SCN3B: variants seen among roughly 807,000 people sequenced by gnomAD.
SCN3B encodes the protein sodium channel regulatory subunit beta-3.
SCN3B carries 11 observed loss-of-function variants against 25.4 expected under a neutral mutation model. The observed-to-expected ratio is 0.43, with a 90% CI of 0.27 to 0.72. The LOEUF (loss-of-function observed/expected upper bound fraction) is 0.72, where lower values mean the gene tolerates loss of function less well. Among genes scored for constraint, SCN3B ranks in the 30% least tolerant of loss-of-function variants. SCN3B has a pLI of 0.18. For synonymous variants in SCN3B, 109 were observed against 110.7 expected, an observed-to-expected ratio of 0.99 and a Z score of 0.09; for missense variants, 218 against 278.3, an observed-to-expected ratio of 0.78 and a Z score of 1.54.
Position 123,653,832 on chromosome 11 carries a change from C to T in SCN3B, c.-25-6G>A, listed in dbSNP as rs759214907. ...GGGGCTGGCGGCTTCCAAGGCTACA[C>T]AGAGAGATTCCCTCGGTCAAGGACT... On this transcript the variant is annotated splice_region_variant and splice_polypyrimidine_tract_variant and intron_variant, in intron 1 of 6. Transcript: ENST00000299333. The T allele has an allele frequency of 3.1e-6, 5 of 1,612,710 alleles. No homozygotes were observed. In the East Asian group the frequency reaches 8.9e-5, roughly 29 times the overall value.
At position 123,646,635 on chromosome 11, in the gene SCN3B, A is replaced by G. The variant is rs191871607; in HGVS notation, c.56-885T>C. On this transcript the variant is annotated intron_variant, in intron 2 of 6. Coordinates refer to ENST00000299333, the MANE Select transcript of SCN3B (RefSeq NM_001040151.2). Reference sequence around the variant, plus strand: ...GTGGGACACCTTGCATGCCACACAGAGGTCTAAGACTTAGTGTTTCTGCCC... The same window carrying G: ...GTGGGACACCTTGCATGCCACACAGGGGTCTAAGACTTAGTGTTTCTGCCC... 1.7e-3 allele frequency among the ~76,000 whole-genome samples: 258 copies of G among 152,294 alleles called. 2 individuals are homozygous for G. Among genetic ancestry groups the G allele is most frequent in the African/African-American group, 5.3e-3 (219 of 41,560 alleles).
At position 123,630,106 on chromosome 11, in the gene SCN3B, T is replaced by C. The variant is rs1955651311; in HGVS notation, c.*3693A>G. ...GTAACTTTCCTAGTAATATTTCTAGTTGGACATCTAAGGAGAAACCTGCAA... is the reference window on the plus strand; with the variant it reads ...GTAACTTTCCTAGTAATATTTCTAGCTGGACATCTAAGGAGAAACCTGCAA... On this transcript the variant is annotated 3_prime_UTR_variant, in exon 7 of 7. Transcript: ENST00000299333. 6.6e-6 allele frequency: 1 copy of C among 152,196 alleles called. No homozygotes were observed. The highest frequency in any genetic ancestry group is 1.5e-5 in the Non-Finnish European group (1 of 68,026). 9.4% of individuals were successfully genotyped at this position (152,196 alleles called of 1,614,324 possible).
rs146282618 is a variant in SCN3B, at chr11:123,652,306, T to A, written c.55+1441A>T. 2.5e-4 allele frequency among the ~76,000 whole-genome samples: 38 copies of A among 152,336 alleles called. 1 individual carries two copies. The East Asian group carries it at 5.2e-3, about 21-fold the overall frequency. On this transcript the variant is annotated intron_variant, in intron 2 of 6. Coordinates refer to ENST00000299333, the MANE Select transcript of SCN3B (RefSeq NM_001040151.2). ...GGCAACATATTATAGCTGCTCCATC[T>A]CCAGGTCTGGTCTACTCTACTGGGG...
Position 123,642,387 on chromosome 11 carries a change from C to T in SCN3B, c.445+59G>A, listed in dbSNP as rs72552143. ...GCCTCACTCGTGGAAAACTGCTGTC[C>T]TACCCTTCCCTGTCCACAGAGAGCA... On this transcript the variant is annotated intron_variant, in intron 4 of 6. Transcript: ENST00000299333. The surrounding 1 kb of genome is among the most constrained non-coding windows in gnomAD (Gnocchi z 4.3). 5 of 1,547,642 alleles carry T rather than the reference C, an allele frequency of 3.2e-6. No individual in the cohort carries two copies. Among genetic ancestry groups the T allele is most frequent in the African/African-American group, 1.4e-5 (1 of 73,532 alleles).
intron 1 of SCN3B, 45 bp from the exon 2 acceptor site, chr11:123,653,871 T>G: frequency 6.4e-7 from 1 of 1,564,288 alleles, no homozygotes; most frequent in Non-Finnish European, 8.8e-7. Flanking sequence ...CCCTCTCAGA[T>G]TCTTTCGAGG....
intron 2 of SCN3B, among the ~76,000 whole-genome samples, chr11:123,649,583 A>G (rs1428327602): frequency 6.7e-6 from 1 of 149,252 alleles, no homozygotes; most frequent in Admixed American, 6.6e-5. Context: ...TCAGCACACC[A>G]CTGTCTTTCT....
Position 123,631,935 on chromosome 11 carries a change from A to G in SCN3B, c.*1864T>C, listed in dbSNP as rs192687697. On this transcript the variant is annotated 3_prime_UTR_variant, in exon 7 of 7. Coordinates refer to ENST00000299333, the MANE Select transcript of SCN3B (RefSeq NM_001040151.2). ...GCTTTTAAGGTAAAGCCCTAAACCT[A>G]TGGAATATGGTCTTTCCCTATAAAG... 6.6e-6 allele frequency: 1 copy of G among 152,300 alleles called. No homozygotes were observed. The highest frequency in any genetic ancestry group is 2.4e-5 in the African/African-American group (1 of 41,572). 9.4% of individuals were successfully genotyped at this position (152,300 alleles called of 1,614,324 possible).
At chr11:123,643,280 C>T (rs11822049) in intron 3 of SCN3B, among the ~76,000 whole-genome samples, 13,132 of 152,202 alleles carry the variant, frequency 0.086, 644 homozygotes, top group African/African-American at 0.13. Flanking sequence ...AGAGAGCCAT[C>T]ACCAGAGAGG....
intron 2 of SCN3B, among the ~76,000 whole-genome samples, chr11:123,650,420 G>A (rs531767551): frequency 6.6e-6 from 1 of 152,320 alleles, no homozygotes; most frequent in East Asian, 1.9e-4. Context: ...GGTAATAAAT[G>A]AGGTTATTTT....
At chr11:123,644,195 A>AT (rs1372952871) in intron 3 of SCN3B, among the ~76,000 whole-genome samples, 2 of 152,224 alleles carry the variant, frequency 1.3e-5, no homozygotes, top group Non-Finnish European at 2.9e-5. Context: ...TTCTGTGTCT[A>AT]TCTTTTCTCT....
chr11:123,638,980 C>A (rs1237333399), intron 4 of SCN3B: 11 of 162,312 alleles, frequency 6.8e-5, no homozygotes, highest in Admixed American at 6.3e-4. Flanking sequence ...GTGTATCAAC[C>A]GCATTGTCCC....
intron 2 of SCN3B, among the ~76,000 whole-genome samples, chr11:123,650,319 C>A (rs1955909268): frequency 6.6e-6 from 1 of 152,136 alleles, no homozygotes; most frequent in South Asian, 2.1e-4. Flanking sequence ...GGACAATGCC[C>A]AATTTTTCCT....
intron 2 of SCN3B, among the ~76,000 whole-genome samples, chr11:123,647,150 G>C (rs1049494951): frequency 6.6e-6 from 1 of 152,120 alleles, no homozygotes; most frequent in African/African-American, 2.4e-5. Context: ...TAAATGCTAA[G>C]AGAGTGTACA....
chr11:123,638,201 G>A lies in SCN3B; in HGVS notation c.569C>T (p.Ala190Val). 1 of 1,614,036 alleles carries A rather than the reference G, an allele frequency of 6.2e-7. No homozygotes were observed. The change falls in exon 5 of 7, where the codon GCA (alanine) becomes GTA (valine). Residue 190 changes from alanine (A) to valine (V), a missense_variant. Transcript: ENST00000299333. ...CTGGACTTACGCGTTTTCTTGGGCTGCCTCTTCGGCTTTTGAGACCTTTCT... is the reference window on the plus strand; with the variant it reads ...CTGGACTTACGCGTTTTCTTGGGCTACCTCTTCGGCTTTTGAGACCTTTCT... ...CYRKVSKAEE[A>V]AQENASDYLA...
intron 6 of SCN3B, 60 bp from the exon 7 acceptor site, chr11:123,633,836 A>C: frequency 2.6e-6 from 1 of 385,662 alleles, no homozygotes. Flanking sequence ...AGCCCAGCCC[A>C]AAAATTCTTT....
chr11:123,638,054 T>C, intron 5 of SCN3B, 132 bp downstream of exon 5: 1 of 1,088,026 alleles, frequency 9.2e-7, no homozygotes, highest in Non-Finnish European at 1.4e-6. Flanking sequence ...GGTATAATAA[T>C]GGTGCCTATC....
At chr11:123,636,776 C>T (rs1208051559) in intron 5 of SCN3B, among the ~76,000 whole-genome samples, 1 of 151,994 alleles carries the variant, frequency 6.6e-6, no homozygotes, top group Non-Finnish European at 1.5e-5. Flanking sequence ...TCACTGCAAG[C>T]TCCGCCTCCC....
Position 123,629,734 on chromosome 11 carries a change from A to C in SCN3B, c.*4065T>G, listed in dbSNP as rs1955646039. 1 of 152,264 alleles carries C rather than the reference A, an allele frequency of 6.6e-6. No homozygotes were observed. Among genetic ancestry groups the C allele is most frequent in the Non-Finnish European group, 1.5e-5 (1 of 68,046 alleles). 9.4% of individuals were successfully genotyped at this position (152,264 alleles called of 1,614,324 possible). On this transcript the variant is annotated 3_prime_UTR_variant, in exon 7 of 7. Coordinates refer to ENST00000299333, the MANE Select transcript of SCN3B (RefSeq NM_001040151.2). ...CAGACTGGCAAGCACACCAAGCACTATTCAGATACATTTGCAGTGACTAGG... is the reference window on the plus strand; with the variant it reads ...CAGACTGGCAAGCACACCAAGCACTCTTCAGATACATTTGCAGTGACTAGG...
In SCN3B at chr11:123,634,163, C is replaced by T; in HGVS notation, c.628G>A (p.Ala210Thr). 1 of 1,613,910 alleles carries T rather than the reference C, an allele frequency of 6.2e-7. No homozygotes were observed. The highest frequency in any genetic ancestry group is 1.3e-5 in the African/African-American group (1 of 75,002). The part of the protein sequence containing the change: ...AIPSENKENS[A>T]VPVEE Reference sequence around the variant, plus strand: ...CTGTTCTATTCCTCCACTGGTACCGCAGAGTTCTCCTTGTTCTCAGATGGG... The same window carrying T: ...CTGTTCTATTCCTCCACTGGTACCGTAGAGTTCTCCTTGTTCTCAGATGGG... The change falls in exon 6 of 7, where the codon GCG becomes ACG. Residue 210 changes from alanine (A) to threonine (T), a missense_variant. Transcript: ENST00000299333.
Sources: allele counts gnomAD v4.1 joint callset (sites outside exome capture counted in the v4.1 genomes callset), GRCh38; gene constraint gnomAD v4.1.1; non-coding constraint Gnocchi (gnomAD v3.1); transcripts MANE v1.5; gene names NCBI Gene and HGNC (gene_info 2026-07-23, HGNC 2026-07-21).